Variants in NUP205 observed in about 807,000 individuals in gnomAD.
NUP205 encodes the protein nucleoporin 205, also known as nuclear pore complex protein Nup205.
Under a neutral mutation model 253.8 loss-of-function variants are expected in NUP205, and 76 were observed. The ratio of observed to expected loss-of-function variants is 0.30; its 90% CI spans 0.25 to 0.36. The LOEUF is 0.36. Among genes scored for constraint, NUP205 ranks in the 10% least tolerant of loss-of-function variants. NUP205 has a pLI of 1.00. For missense variants in NUP205, 2,162 were observed against 2,425.5 expected (o/e 0.89, Z 2.28); for synonymous variants, 832 against 850.1 (o/e 0.98, Z 0.37).
intron 20 of NUP205, among the ~76,000 whole-genome samples, 162 bp downstream of exon 20, chr7:135,606,388 G>A (rs1274865017): frequency 1.4e-4 from 21 of 152,010 alleles, no homozygotes; most frequent in Admixed American, 1.4e-3. Context: ...AATAAAATCT[G>A]AAACCTTTTG....
intron 6 of NUP205, 87 bp downstream of exon 6, chr7:135,578,111 A>AG: frequency 1.5e-5 from 13 of 890,128 alleles, no homozygotes; most frequent in East Asian, 2.6e-5. Context: ...TATTTTAGCT[A>AG]CTAAAATAGT....
intron 35 of NUP205, among the ~76,000 whole-genome samples, chr7:135,631,667 G>C (rs1392995020): frequency 3.3e-5 from 5 of 151,330 alleles, no homozygotes; most frequent in Non-Finnish European, 5.9e-5. Flanking sequence ...CAAAACACCA[G>C]TTGTGTTCCC....
At chr7:135,563,701 T>C (rs1805661000) in intron 1 of NUP205, among the ~76,000 whole-genome samples, 1 of 152,136 alleles carries the variant, frequency 6.6e-6, no homozygotes, top group African/African-American at 2.4e-5. Context: ...TCCCTTCATT[T>C]GTAATCAGTA....
At chr7:135,647,848 AAG>A (rs1359368503) in intron 42 of NUP205, among the ~76,000 whole-genome samples, 2 of 152,242 alleles carry the variant, frequency 1.3e-5, no homozygotes, top group Middle Eastern at 3.2e-3. Flanking sequence ...TAACATCAAA[AAG>A]ATCCATCTGA....
At chr7:135,610,122 G>A (rs1232625280) in intron 22 of NUP205, among the ~76,000 whole-genome samples, 1 of 152,126 alleles carries the variant, frequency 6.6e-6, no homozygotes, top group Non-Finnish European at 1.5e-5. Context: ...TTGGAAATCT[G>A]AATTTTTGTT....
intron 12 of NUP205, among the ~76,000 whole-genome samples, chr7:135,594,092 A>G (rs1216738255): frequency 6.6e-6 from 1 of 152,186 alleles, no homozygotes; most frequent in Admixed American, 6.5e-5. Flanking sequence ...ATAAATATGT[A>G]TAGTTATTAC....
chr7:135,557,978 T>C lies in NUP205; in HGVS notation c.28+6T>C, dbSNP rs762632552. On this transcript the variant is annotated splice_donor_region_variant and intron_variant, in intron 1 of 42. Transcript: ENST00000285968. ...GCCTTTGGCGGTAAATTCGGGTAAGTGTGGCCAGACAGAAAGACGATTGAG... is the reference window on the plus strand; with the variant it reads ...GCCTTTGGCGGTAAATTCGGGTAAGCGTGGCCAGACAGAAAGACGATTGAG... 2 of 1,611,946 alleles carry C rather than the reference T, an allele frequency of 1.2e-6. No homozygotes were observed. Among genetic ancestry groups the C allele is most frequent in the South Asian group, 1.1e-5 (1 of 91,028 alleles).
intron 10 of NUP205, among the ~76,000 whole-genome samples, chr7:135,590,483 A>G (rs1215461145): frequency 6.6e-6 from 1 of 152,018 alleles, no homozygotes; most frequent in African/African-American, 2.4e-5. Context: ...TCTATCCCTT[A>G]ATATTTAAGT....
At position 135,584,919 on chromosome 7, in the gene NUP205, T is replaced by C. The variant is rs769223761; in HGVS notation, c.1130T>C (p.Val377Ala). The C allele has an allele frequency of 6.2e-7, 1 of 1,613,658 alleles. No homozygotes were observed. The highest frequency in any genetic ancestry group is 8.5e-7 in the Non-Finnish European group (1 of 1,179,550). ...TTCCTGTTCCTCATGGAATCTGTAG[T>C]GGTATCAGAATACTTTTATCAGGAA... The part of the protein sequence containing the change: ...NVFLFLMESV[V>A]VSEYFYQEEF... The change falls in exon 8 of 43, where the codon GTG (valine) becomes GCG (alanine). Residue 377 changes from valine to alanine, a missense_variant. Around this residue, in one of 5 missense-constraint regions of NUP205, gnomAD observed 892 missense variants for 957.1 expected, o/e 0.93. Transcript: ENST00000285968.
intron 1 of NUP205, among the ~76,000 whole-genome samples, chr7:135,570,042 TATATATATATAG>T (rs1352338867): frequency 2.6e-4 from 26 of 99,738 alleles, no homozygotes; most frequent in Non-Finnish European, 3.8e-4. Flanking sequence ...TATATATATA[TATATATATATAG>T]AGAGAGAGAG....
chr7:135,569,547 C>G (rs1805884758), intron 1 of NUP205, among the ~76,000 whole-genome samples: 2 of 151,616 alleles, frequency 1.3e-5, no homozygotes, highest in South Asian at 4.2e-4. Flanking sequence ...CTGACATTAT[C>G]TAGTGTGACC....
chr7:135,632,380 A>G (rs1584688066), intron 35 of NUP205, among the ~76,000 whole-genome samples: 2 of 152,358 alleles, frequency 1.3e-5, no homozygotes, highest in South Asian at 2.1e-4. Context: ...AGTCACACAG[A>G]TAACACTGCA....
At chr7:135,622,010 G>A (rs1794478891) in intron 30 of NUP205, among the ~76,000 whole-genome samples, 1 of 151,660 alleles carries the variant, frequency 6.6e-6, no homozygotes, top group Non-Finnish European at 1.5e-5. Context: ...CACCATGTTG[G>A]CCAGGCTGGT....
At chr7:135,578,983 G>T (rs1806228652) in intron 7 of NUP205, 68 bp downstream of exon 7, 2 of 1,295,756 alleles carry the variant, frequency 1.5e-6, no homozygotes, top group Non-Finnish European at 2.1e-6. Flanking sequence ...TTTTTGGAAG[G>T]AGTATTATCT....
intron 1 of NUP205, among the ~76,000 whole-genome samples, chr7:135,559,712 A>G (rs571718587): frequency 2.1e-5 from 3 of 140,916 alleles, no homozygotes; most frequent in South Asian, 2.2e-4. Flanking sequence ...TTTTTTTGAG[A>G]TGGAGTCTCA....
At chr7:135,590,240 G>C (rs1268257621) in intron 10 of NUP205, among the ~76,000 whole-genome samples, 1 of 150,374 alleles carries the variant, frequency 6.7e-6, no homozygotes, top group African/African-American at 2.5e-5. Flanking sequence ...GCCTCCCAAG[G>C]AGCTGGGATT....
In NUP205 at chr7:135,625,272, G is replaced by A; in HGVS notation, c.4588G>A (p.Val1530Ile). The A allele has an allele frequency of 6.2e-7, 1 of 1,614,144 alleles. No individual in the cohort carries two copies. Among genetic ancestry groups the A allele is most frequent in the Non-Finnish European group, 8.5e-7 (1 of 1,180,028 alleles). The stretch of plus-strand genomic sequence containing the variant: ...CTTGAAGGTCCTCGTAGACAGCTTG[G>A]TAGAAGATGACCGTACTTTGCAGAG... ...GYLKVLVDSL[V>I]EDDRTLQSLL... The change falls in exon 32 of 43, where the codon GTA becomes ATA. Residue 1530 changes from valine (V) to isoleucine (I), a missense_variant. This residue lies in a region of NUP205 where 1,144 missense variants were observed against 1,280.9 expected (regional missense o/e 0.89). Transcript: ENST00000285968.
At chr7:135,631,240 C>T (rs1794708199) in intron 35 of NUP205, among the ~76,000 whole-genome samples, 1 of 151,974 alleles carries the variant, frequency 6.6e-6, no homozygotes, top group Non-Finnish European at 1.5e-5. Flanking sequence ...TACATGTGCA[C>T]AACATTCAGG....
At chr7:135,643,154 A>C (rs755523197) in intron 38 of NUP205, 38 bp from the exon 39 acceptor site, 1 of 1,580,500 alleles carries the variant, frequency 6.3e-7, no homozygotes, top group Admixed American at 1.8e-5. Flanking sequence ...TGAAATGCTT[A>C]TAAGTGGAAC....
Sources: allele counts gnomAD v4.1 joint callset (sites outside exome capture counted in the v4.1 genomes callset), GRCh38; gene constraint gnomAD v4.1.1; regional missense constraint gnomAD v4.1.1; transcripts MANE v1.5; gene names NCBI Gene and HGNC (gene_info 2026-07-23, HGNC 2026-07-21).